SMYD3: variants seen among roughly 807,000 people sequenced by gnomAD.
SMYD3 encodes the protein histone-lysine N-methyltransferase SMYD3.
In SMYD3, 36 loss-of-function variants were observed where a neutral mutation model predicts 57.7. That is an observed-to-expected ratio of 0.62 (90% confidence interval 0.48 to 0.82). The LOEUF (loss-of-function observed/expected upper bound fraction) is 0.82, where lower values mean the gene tolerates loss of function less well. SMYD3 is among the 40% of genes least tolerant of loss of function. The pLI, the probability that SMYD3 is intolerant of heterozygous loss-of-function variation, is 0.00. For synonymous variants in SMYD3, 211 were observed against 195.0 expected (o/e 1.08, Z -0.68); for missense variants, 515 against 538.8 (o/e 0.96, Z 0.44).
intron 5 of SMYD3, among the ~76,000 whole-genome samples, chr1:246,258,577 G>A (rs2063941242): frequency 6.6e-6 from 1 of 152,174 alleles, no homozygotes; most frequent in Admixed American, 6.5e-5. Flanking sequence ...AGTTTCTGCT[G>A]ATAAGTCTGC....
At chr1:246,229,019 T>A (rs762507760) in intron 5 of SMYD3, among the ~76,000 whole-genome samples, 1 of 152,170 alleles carries the variant, frequency 6.6e-6, no homozygotes, top group East Asian at 1.9e-4. Flanking sequence ...AGACCATGAA[T>A]AGCAACCTAA....
chr1:245,882,378 T>C (rs1050611543), intron 8 of SMYD3, among the ~76,000 whole-genome samples: 10 of 152,180 alleles, frequency 6.6e-5, no homozygotes, highest in Non-Finnish European at 1.2e-4. Context: ...ATATCTTATG[T>C]ATTCGCAGCT....
chr1:246,277,303 C>A (rs539786109), intron 5 of SMYD3, among the ~76,000 whole-genome samples: 5 of 152,122 alleles, frequency 3.3e-5, no homozygotes, highest in Admixed American at 1.3e-4. Flanking sequence ...ACTAAAACCA[C>A]AATATAACGT....
intron 5 of SMYD3, among the ~76,000 whole-genome samples, chr1:246,138,010 A>G (rs1188354616): frequency 6.6e-6 from 1 of 152,096 alleles, no homozygotes; most frequent in African/African-American, 2.4e-5. Flanking sequence ...CAAACACATA[A>G]TTTTTTTTCT....
chr1:245,841,238 CAA>C (rs2050385772), intron 10 of SMYD3, among the ~76,000 whole-genome samples: 1 of 152,072 alleles, frequency 6.6e-6, no homozygotes, highest in Non-Finnish European at 1.5e-5. Context: ...GGATTGTTTT[CAA>C]AGTTTTGATA....
intron 1 of SMYD3, among the ~76,000 whole-genome samples, chr1:246,444,204 G>A (rs931333167): frequency 6.7e-6 from 1 of 148,598 alleles, no homozygotes; most frequent in Non-Finnish European, 1.5e-5. Flanking sequence ...TCCGCTCACT[G>A]AAACCTCCGC....
intron 10 of SMYD3, among the ~76,000 whole-genome samples, chr1:245,773,399 C>T (rs1486427056): frequency 2.0e-5 from 3 of 152,214 alleles, no homozygotes; most frequent in Non-Finnish European, 4.4e-5. Flanking sequence ...ATATTTGTAA[C>T]TTTTATATTA....
chr1:246,407,697 C>A (rs2066888243), intron 1 of SMYD3, among the ~76,000 whole-genome samples: 1 of 151,868 alleles, frequency 6.6e-6, no homozygotes, highest in Admixed American at 6.6e-5. Context: ...CAAAAATTAG[C>A]CAGGAGTGGT....
intron 5 of SMYD3, among the ~76,000 whole-genome samples, chr1:246,063,765 G>A (rs1250422865): frequency 2.0e-5 from 3 of 151,892 alleles, no homozygotes; most frequent in Admixed American, 6.6e-5. Flanking sequence ...TCAGCCTCCC[G>A]AGTAGCTGGG....
At chr1:246,219,417 C>T (rs6691793) in intron 5 of SMYD3, among the ~76,000 whole-genome samples, 3,621 of 152,176 alleles carry the variant, frequency 0.024, 165 homozygotes, top group African/African-American at 0.082. Flanking sequence ...GGAAGATTAC[C>T]TTCCTGCCCC....
In SMYD3 at chr1:245,842,836, G is replaced by A. The variant is rs190090459; in HGVS notation, c.1076+15660C>T. On this transcript the variant is annotated intron_variant, in intron 10 of 11. Coordinates refer to ENST00000490107, the MANE Select transcript of SMYD3 (RefSeq NM_001167740.2). Reference sequence around the variant, plus strand: ...AGTGATCATTCCACCTCAGCCTCCCGATGAGCTGGGACTAAAGGTGCACCC... The same window carrying A: ...AGTGATCATTCCACCTCAGCCTCCCAATGAGCTGGGACTAAAGGTGCACCC... 1.7e-4 allele frequency among the ~76,000 whole-genome samples: 26 copies of A among 151,978 alleles called. 1 individual carries two copies. Among genetic ancestry groups the A allele is most frequent in the African/African-American group, 4.1e-4 (17 of 41,376 alleles).
intron 10 of SMYD3, among the ~76,000 whole-genome samples, chr1:245,836,119 C>G (rs1464751827): frequency 6.6e-6 from 1 of 152,116 alleles, no homozygotes; most frequent in Non-Finnish European, 1.5e-5. Flanking sequence ...TTGGCAAAAA[C>G]GAATCATTGG....
chr1:246,311,187 A>AC (rs2065069928), intron 5 of SMYD3, among the ~76,000 whole-genome samples: 1 of 152,244 alleles, frequency 6.6e-6, no homozygotes, highest in Non-Finnish European at 1.5e-5. Flanking sequence ...CTTCCACTCC[A>AC]ATAAACTAAA....
At chr1:246,038,240 G>A (rs181594323) in intron 5 of SMYD3, among the ~76,000 whole-genome samples, 3 of 152,038 alleles carry the variant, frequency 2.0e-5, no homozygotes, top group Non-Finnish European at 2.9e-5. Context: ...GAATTTATCC[G>A]TAATTTATGG....
At chr1:245,856,971 A>G (rs890049572) in intron 10 of SMYD3, among the ~76,000 whole-genome samples, 8 of 152,202 alleles carry the variant, frequency 5.3e-5, no homozygotes, top group African/African-American at 1.9e-4. Context: ...TTTTTGCAAC[A>G]CTAAGGCTCA....
rs1438604751 is a variant in SMYD3 at position 246,209,323 on chromosome 1, T to C, written c.531+117878A>G. Among the ~76,000 whole-genome samples, 3 of 152,184 alleles carry C rather than the reference T, an allele frequency of 2.0e-5. No homozygotes were observed. The East Asian group carries it at 5.8e-4, about 29-fold the overall frequency. On this transcript the variant is annotated intron_variant, in intron 5 of 11. Transcript: ENST00000490107. ...TTCAGCTTGATAGATGAATGGTTAA[T>C]GAATTATACAAACTAATAAAAACCA...
intron 1 of SMYD3, among the ~76,000 whole-genome samples, chr1:246,505,667 C>CCA (rs10642188): frequency 0.47 from 71,018 of 151,828 alleles, 17,518 homozygotes; most frequent in African/African-American, 0.61. Flanking sequence ...GCTTAAATCC[C>CCA]CAGTTACTGC....
chr1:245,922,609 A>T (rs959726472), intron 7 of SMYD3, among the ~76,000 whole-genome samples: 24 of 150,634 alleles, frequency 1.6e-4, no homozygotes, highest in Non-Finnish European at 2.7e-4. Context: ...CTAATGTCAT[A>T]TTTTTTTTTT....
intron 5 of SMYD3, among the ~76,000 whole-genome samples, chr1:245,964,480 T>C (rs1214908872): frequency 6.6e-6 from 1 of 152,116 alleles, no homozygotes; most frequent in Non-Finnish European, 1.5e-5. Flanking sequence ...AAACACAGTG[T>C]GAAAAGATTG....
Sources: allele counts gnomAD v4.1 joint callset (sites outside exome capture counted in the v4.1 genomes callset), GRCh38; gene constraint gnomAD v4.1.1; transcripts MANE v1.5; gene names NCBI Gene and HGNC (gene_info 2026-07-23, HGNC 2026-07-21).